Variants in REPS2 observed in about 807,000 individuals in gnomAD.
The protein encoded by REPS2 is RALBP1 associated Eps domain containing 2, also known as ralBP1-associated Eps domain-containing protein 2.
A neutral mutation model predicts 53.6 loss-of-function variants in REPS2; 23 were observed. The observed-to-expected ratio is 0.43, with a 90% CI of 0.31 to 0.61. REPS2 has a LOEUF of 0.61. Among genes scored for constraint, REPS2 ranks in the 20% least tolerant of loss-of-function variants. REPS2 has a pLI of 0.11. For synonymous variants in REPS2, 238 were observed against 218.6 expected (o/e 1.09, Z -0.78); for missense variants, 446 against 534.9 (o/e 0.83, Z 1.64).
chrX:17,168,869 T>C, the REPS2 span, among the ~76,000 whole-genome samples: 1 of 112,257 alleles, frequency 8.9e-6, no homozygotes, highest in African/African-American at 3.2e-5. Flanking sequence ...AGATATGGAA[T>C]CTGTTCTCTA....
the REPS2 span, among the ~76,000 whole-genome samples, chrX:17,165,093 G>A: frequency 1.8e-5 from 2 of 110,395 alleles, no homozygotes; most frequent in African/African-American, 6.6e-5. Flanking sequence ...CACTTGAACT[G>A]AATTTACAGG....
At chrX:17,103,806 A>G (rs1458958945) in intron 14 of REPS2, 27 bp downstream of exon 14, 2 of 1,175,335 alleles carry the variant, frequency 1.7e-6, no homozygotes, top group East Asian at 3.0e-5. Flanking sequence ...ATTTATGTAA[A>G]CTGTTCGGTG....
At chrX:17,036,963 C>A (rs909608512) in intron 5 of REPS2, among the ~76,000 whole-genome samples, 2 of 110,381 alleles carry the variant, frequency 1.8e-5, no homozygotes, top group South Asian at 7.7e-4. Context: ...TCATTTGAGA[C>A]CCCAGCTGGA....
the REPS2 span, among the ~76,000 whole-genome samples, chrX:17,195,228 G>A: frequency 5.3e-5 from 6 of 112,285 alleles, no homozygotes; most frequent in East Asian, 1.7e-3. Context: ...GGCAAAAGAA[G>A]CCACACAAAG....
intron 1 of REPS2, 109 bp downstream of exon 1, chrX:16,947,243 C>G: frequency 1.1e-6 from 1 of 915,072 alleles, no homozygotes; most frequent in Non-Finnish European, 1.4e-6. Context: ...AGGCCTCGGC[C>G]AGTTCTGAGA....
intron 1 of REPS2, among the ~76,000 whole-genome samples, chrX:16,999,588 C>G (rs1374121920): frequency 9.1e-6 from 1 of 110,068 alleles, no homozygotes; most frequent in Admixed American, 9.7e-5. Context: ...TCCTTCTAGC[C>G]CTAAATTAAA....
intron 13 of REPS2, among the ~76,000 whole-genome samples, chrX:17,101,201 C>T: frequency 9.2e-6 from 1 of 108,483 alleles, no homozygotes. Flanking sequence ...CTACAGGCGC[C>T]CGCCACCATG....
At chrX:16,965,135 G>A (rs2060733088) in intron 1 of REPS2, among the ~76,000 whole-genome samples, 1 of 91,263 alleles carries the variant, frequency 1.1e-5, no homozygotes, top group Admixed American at 1.1e-4. Context: ...GGCCGGGTGG[G>A]GGGCTGACCC....
At chrX:17,193,969 G>T in the REPS2 span, among the ~76,000 whole-genome samples, 6 of 111,508 alleles carry the variant, frequency 5.4e-5, no homozygotes, top group African/African-American at 2.0e-4. Context: ...GGAGAAAACT[G>T]GGGATGCATC....
At chrX:16,965,535 C>T (rs1330902317) in intron 1 of REPS2, among the ~76,000 whole-genome samples, 1 of 110,659 alleles carries the variant, frequency 9.0e-6, no homozygotes, top group East Asian at 2.9e-4. Flanking sequence ...CAGAGGGTCT[C>T]CTCACTTCTC....
chrX:17,182,306 G>A, the REPS2 span, among the ~76,000 whole-genome samples: 1 of 111,365 alleles, frequency 9.0e-6, no homozygotes, highest in Non-Finnish European at 1.9e-5. Context: ...CCTCATAGAA[G>A]TAGAGAGAGA....
At chrX:17,085,916 T>A (rs1331752172) in intron 13 of REPS2, among the ~76,000 whole-genome samples, 1 of 111,916 alleles carries the variant, frequency 8.9e-6, no homozygotes, top group Non-Finnish European at 1.9e-5. Flanking sequence ...TTCTTTAATA[T>A]CATTTAATAT....
chrX:17,184,937 A>G, the REPS2 span, among the ~76,000 whole-genome samples: 1 of 111,773 alleles, frequency 8.9e-6, no homozygotes, highest in African/African-American at 3.3e-5. Flanking sequence ...TCCCCATATC[A>G]GTTAGTTTCC....
At chrX:17,144,237 A>G (rs145891940) in intron 17 of REPS2, among the ~76,000 whole-genome samples, 2 of 112,749 alleles carry the variant, frequency 1.8e-5, no homozygotes, top group Admixed American at 9.3e-5. Flanking sequence ...CTGGCCCAGT[A>G]TCTTGTCCTC....
the REPS2 span, among the ~76,000 whole-genome samples, chrX:17,167,293 T>C: frequency 2.7e-5 from 3 of 112,114 alleles, no homozygotes; most frequent in African/African-American, 9.7e-5. Flanking sequence ...TTCTGGCTTC[T>C]TCCAAATCTT....
chrX:17,006,481 T>C, intron 2 of REPS2, 137 bp downstream of exon 2: 2 of 592,536 alleles, frequency 3.4e-6, no homozygotes, highest in Non-Finnish European at 2.5e-6. Flanking sequence ...ATAAGAAAAC[T>C]TGGCAGGTAG....
At chrX:17,183,411 A>G in the REPS2 span, among the ~76,000 whole-genome samples, 1 of 112,171 alleles carries the variant, frequency 8.9e-6, no homozygotes, top group Non-Finnish European at 1.9e-5. Flanking sequence ...AACCAAAAAA[A>G]CTCCTCAATA....
chrX:17,000,046 CAAAAAAAAAAA>C (rs61082179), intron 1 of REPS2, among the ~76,000 whole-genome samples: 1 of 27,106 alleles, frequency 3.7e-5, no homozygotes, highest in South Asian at 2.0e-3. Flanking sequence ...GACTCCGTCT[CAAAAAAAAAAA>C]AAAAAAAAAA....
rs774556038 is a variant in REPS2, at chrX:17,050,141, C to CCTTTCTTTCTTTCTTTCTTTCTTT, written c.908-2208_908-2185dup. On this transcript the variant is annotated intron_variant, in intron 6 of 17. Coordinates refer to ENST00000357277, the MANE Select transcript of REPS2 (RefSeq NM_004726.3). Reference sequence around the variant, plus strand: ...TTTCTTCTTTCTTTCTTCCTTTCTTCCTTTCTTTCTTTCTTTCTTTCTTTC... The same window carrying CCTTTCTTTCTTTCTTTCTTTCTTT: ...TTTCTTCTTTCTTTCTTCCTTTCTTCCTTTCTTTCTTTCTTTCTTTCTTTCTTTCTTTCTTTCTTTCTTTCTTTC... Among the ~76,000 whole-genome samples, 10 of 20,389 alleles carry CCTTTCTTTCTTTCTTTCTTTCTTT rather than the reference C, an allele frequency of 4.9e-4. 1 individual carries two copies. Among genetic ancestry groups the CCTTTCTTTCTTTCTTTCTTTCTTT allele is most frequent in the African/African-American group, 1.4e-3 (9 of 6,283 alleles). 17.7% of individuals were successfully genotyped at this position (20,389 alleles called of 115,157 possible).
Sources: gnomAD v4.1 joint callset for allele counts (sites outside exome capture counted in the v4.1 genomes callset) on GRCh38, gnomAD v4.1.1 for gene constraint, MANE v1.5 for transcripts, NCBI Gene and HGNC (gene_info 2026-07-23, HGNC 2026-07-21) for gene names.